TTC23: variants seen among roughly 807,000 people sequenced by gnomAD.
The protein encoded by TTC23 is tetratricopeptide repeat protein 23.
Under a neutral mutation model 55.1 loss-of-function variants are expected in TTC23, and 58 were observed. The ratio of observed to expected loss-of-function variants is 1.05; its 90% confidence interval spans 0.85 to 1.31. The LOEUF is 1.31. TTC23 is among the 50% of genes most tolerant of loss of function. TTC23 has a pLI of 0.00. For missense variants in TTC23, 516 were observed against 534.4 expected, an observed-to-expected ratio of 0.97 and a Z score of 0.34; for synonymous variants, 203 against 199.9, an observed-to-expected ratio of 1.02 and a Z score of -0.13.
intron 4 of TTC23, among the ~76,000 whole-genome samples, chr15:99,231,221 GT>G (rs921515629): frequency 1.6e-4 from 24 of 152,190 alleles, no homozygotes; most frequent in African/African-American, 5.8e-4. Flanking sequence ...ACTGTTACTG[GT>G]TTATATATTT....
At chr15:99,165,966 C>G (rs1318762047) in intron 10 of TTC23, among the ~76,000 whole-genome samples, 1 of 152,176 alleles carries the variant, frequency 6.6e-6, no homozygotes, top group African/African-American at 2.4e-5. Flanking sequence ...AAGAACGTAG[C>G]TGAGCAATTC....
At position 99,194,387 on chromosome 15, in the gene TTC23, C is replaced by T. The variant is rs113551048; in HGVS notation, c.759+5532G>A. On this transcript the variant is annotated intron_variant, in intron 9 of 13. Transcript: ENST00000394132. ...AGCTACAGTAATTAAGACAGTGTGG[C>T]AGTGGCAAAAGAAGAGACAAAGAGA... 1.6e-3 allele frequency among the ~76,000 whole-genome samples: 243 copies of T among 152,032 alleles called. 3 individuals carry two copies. Among genetic ancestry groups the T allele is most frequent in the African/African-American group, 5.5e-3 (227 of 41,496 alleles).
chr15:99,186,977 T>C (rs1183961822), intron 9 of TTC23, among the ~76,000 whole-genome samples: 1 of 152,014 alleles, frequency 6.6e-6, no homozygotes, highest in African/African-American at 2.4e-5. Flanking sequence ...AAAATTCACA[T>C]AAAAATTCCA....
chr15:99,193,710 A>G (rs1047972283), intron 9 of TTC23, among the ~76,000 whole-genome samples: 5 of 152,146 alleles, frequency 3.3e-5, no homozygotes, highest in South Asian at 2.1e-4. Flanking sequence ...TGAACTTTTG[A>G]AAGTTTTAAA....
chr15:99,174,482 T>C (rs991763466), intron 10 of TTC23, among the ~76,000 whole-genome samples: 2 of 152,068 alleles, frequency 1.3e-5, no homozygotes, highest in South Asian at 2.1e-4. Flanking sequence ...AAAAAATCAT[T>C]AGTACTATGT....
chr15:99,203,995 T>C (rs2076407878), intron 8 of TTC23, among the ~76,000 whole-genome samples: 1 of 152,094 alleles, frequency 6.6e-6, no homozygotes, highest in Admixed American at 6.5e-5. Flanking sequence ...ATTTCCTTTT[T>C]GGGGGGTATA....
At chr15:99,139,882 AC>A in intron 12 of TTC23, 1 of 625,744 alleles carries the variant, frequency 1.6e-6, no homozygotes, top group African/African-American at 1.9e-5. Context: ...CTTATGGACT[AC>A]CCAGGGCTGG....
intron 8 of TTC23, 109 bp from the exon 9 acceptor site, chr15:99,200,205 T>G (rs2076087252): frequency 9.6e-7 from 1 of 1,042,150 alleles, no homozygotes; most frequent in Non-Finnish European, 1.3e-6. Context: ...GTGTTCAGGT[T>G]CGTTTCCTTG....
intron 5 of TTC23, among the ~76,000 whole-genome samples, chr15:99,227,097 G>A (rs966228977): frequency 2.6e-5 from 4 of 152,226 alleles, no homozygotes; most frequent in Non-Finnish European, 4.4e-5. Context: ...CCAGCCTAGA[G>A]CCTACAAATA....
chr15:99,151,819 G>A (rs940781537), intron 12 of TTC23, among the ~76,000 whole-genome samples: 4 of 152,148 alleles, frequency 2.6e-5, no homozygotes, highest in South Asian at 2.1e-4. Context: ...TACACTGTGC[G>A]ATGCCGACCA....
intron 3 of TTC23, among the ~76,000 whole-genome samples, chr15:99,235,542 T>C (rs892043291): frequency 1.3e-5 from 2 of 151,978 alleles, no homozygotes; most frequent in African/African-American, 4.8e-5. Context: ...AGCTAATTTT[T>C]TTGTATTTTA....
chr15:99,228,970 A>G (rs1057071999), intron 4 of TTC23, among the ~76,000 whole-genome samples: 1 of 98,840 alleles, frequency 1.0e-5, no homozygotes, highest in Non-Finnish European at 2.2e-5. Flanking sequence ...ACATACATAC[A>G]CATGTATATA....
At chr15:99,221,145 G>A (rs2077888448) in intron 6 of TTC23, among the ~76,000 whole-genome samples, 1 of 152,146 alleles carries the variant, frequency 6.6e-6, no homozygotes, top group Non-Finnish European at 1.5e-5. Flanking sequence ...GTTGCAGGCA[G>A]TCTTGTTGCC....
chr15:99,201,825 G>C (rs1167307295), intron 8 of TTC23, among the ~76,000 whole-genome samples: 1 of 152,124 alleles, frequency 6.6e-6, no homozygotes, highest in Non-Finnish European at 1.5e-5. Flanking sequence ...CCTTAGTTTT[G>C]TAAATATCAT....
chr15:99,182,243 C>CTT (rs2074204702), intron 9 of TTC23, among the ~76,000 whole-genome samples: 1 of 103,012 alleles, frequency 9.7e-6, no homozygotes, highest in Admixed American at 1.2e-4. Context: ...CTCTCTCTCT[C>CTT]TCTCTCACAC....
Position 99,137,818 on chromosome 15 carries a change from C to G in TTC23, c.*192G>C. ...AAACTGCTTTATAGCATATATCACC[C>G]TGAAGGGCATCCACTGTCAAAATGT... On this transcript the variant is annotated 3_prime_UTR_variant, in exon 14 of 14. Coordinates refer to ENST00000394132, the MANE Select transcript of TTC23 (RefSeq NM_001288615.3). The G allele has an allele frequency of 3.5e-6, 3 of 867,296 alleles. No individual in the cohort carries two copies. Among genetic ancestry groups the G allele is most frequent in the Non-Finnish European group, 5.2e-6 (3 of 581,986 alleles). The allele number at this position is 867,296 out of a possible 1,614,324, so 53.7% of individuals were successfully genotyped here. A position where few individuals can be genotyped will look rare whatever the true frequency, so the allele number is the denominator to read the frequency against.
At chr15:99,155,098 T>C (rs1315612139) in intron 12 of TTC23, among the ~76,000 whole-genome samples, 1 of 152,094 alleles carries the variant, frequency 6.6e-6, no homozygotes, top group Non-Finnish European at 1.5e-5. Flanking sequence ...AATGAAAGAA[T>C]TAAGCAATTA....
At chr15:99,153,715 A>G (rs2070157406) in intron 12 of TTC23, among the ~76,000 whole-genome samples, 1 of 152,232 alleles carries the variant, frequency 6.6e-6, no homozygotes. Context: ...AAAAAATTTC[A>G]ACAGAGCAAA....
intron 13 of TTC23, 25 bp downstream of exon 13, chr15:99,139,288 TAGAG>T (rs782294836): frequency 1.4e-5 from 13 of 941,954 alleles, no homozygotes; most frequent in African/African-American, 9.5e-5. Flanking sequence ...GGGAATGAGA[TAGAG>T]AAAGTGTGAG....
Sources: gnomAD v4.1 joint callset for allele counts (sites outside exome capture counted in the v4.1 genomes callset) on GRCh38, gnomAD v4.1.1 for gene constraint, MANE v1.5 for transcripts, NCBI Gene and HGNC (gene_info 2026-07-23, HGNC 2026-07-21) for gene names.